The following RBMS3 variants were observed in gnomAD, a reference collection of about 807,000 sequenced individuals.
The protein encoded by RBMS3 is RNA binding motif single stranded interacting protein 3.
A neutral mutation model predicts 66.8 loss-of-function variants in RBMS3; 27 were observed. The observed-to-expected ratio is 0.40, with a 90% CI of 0.30 to 0.56. The LOEUF is 0.56. Among genes scored for constraint, RBMS3 ranks in the 20% least tolerant of loss-of-function variants. The pLI is 0.40. For missense variants in RBMS3, 513 were observed against 549.5 expected, an observed-to-expected ratio of 0.93 and a Z score of 0.66; for synonymous variants, 188 against 183.0, an observed-to-expected ratio of 1.03 and a Z score of -0.22.
intron 4 of RBMS3, among the ~76,000 whole-genome samples, chr3:29,629,044 A>G (rs1363833163): frequency 2.0e-5 from 3 of 152,094 alleles, no homozygotes; most frequent in Non-Finnish European, 4.4e-5. Flanking sequence ...TTTGAAGTGC[A>G]TATGCAGGCC....
In RBMS3 at chr3:29,970,712, T is replaced by C. The variant is rs76393387; in HGVS notation, c.1099-17431T>C. On this transcript the variant is annotated intron_variant, in intron 12 of 14. Coordinates refer to ENST00000383767, the MANE Select transcript of RBMS3 (RefSeq NM_001003793.3). ...GTATTTGAGTTTTCAAGGGCATTAA[T>C]AATCACTTTTATTTGCTCTCTTTAT... Among the ~76,000 whole-genome samples, 727 of 152,328 alleles carry C rather than the reference T, an allele frequency of 4.8e-3. 4 individuals carry two copies. The highest frequency in any genetic ancestry group is 0.017 in the African/African-American group (696 of 41,580).
chr3:29,854,203 A>G lies in RBMS3; in HGVS notation c.638-14655A>G, dbSNP rs552019662. ...AGGGCGTCCCTCCCCGCGTCCCTGC[A>G]GCAGCCAGCACTGAGGTCGGCCTCC... On this transcript the variant is annotated intron_variant, in intron 6 of 14. Coordinates refer to ENST00000383767, the MANE Select transcript of RBMS3 (RefSeq NM_001003793.3). Among the ~76,000 whole-genome samples, 21 of 152,304 alleles carry G rather than the reference A, an allele frequency of 1.4e-4. No individual in the cohort carries two copies. In the South Asian group the frequency reaches 4.3e-3, roughly 32 times the overall value.
At chr3:29,482,709 T>TTTC (rs2125821907) in intron 2 of RBMS3, among the ~76,000 whole-genome samples, 1 of 104,216 alleles carries the variant, frequency 9.6e-6, no homozygotes, top group African/African-American at 3.9e-5. Flanking sequence ...TTCTTTTTTT[T>TTTC]TTTTTTTTTT....
chr3:29,434,724 C>T lies in RBMS3; in HGVS notation c.76-19C>T. 1 of 1,600,890 alleles carries T rather than the reference C, an allele frequency of 6.2e-7. No individual in the cohort carries two copies. Among genetic ancestry groups the T allele is most frequent in the Non-Finnish European group, 8.5e-7 (1 of 1,173,272 alleles). On this transcript the variant is annotated intron_variant, in intron 1 of 14. Transcript: ENST00000383767. ...GTGCTGGCTTTTGTTTTTCCAGTAA[C>T]AGCTTTTTCTGTTTCCAGCAGTCCT...
intron 12 of RBMS3, among the ~76,000 whole-genome samples, chr3:29,944,485 A>G (rs1358330053): frequency 6.6e-6 from 1 of 151,776 alleles, no homozygotes; most frequent in African/African-American, 2.4e-5. Flanking sequence ...GTAAAAACTC[A>G]AAACCATTTT....
intron 3 of RBMS3, among the ~76,000 whole-genome samples, chr3:29,546,810 T>C (rs974278174): frequency 2.0e-5 from 3 of 152,182 alleles, no homozygotes; most frequent in African/African-American, 7.2e-5. Context: ...TAAGAGACTT[T>C]GGCACCTCTT....
chr3:29,820,369 T>C (rs1049993877), intron 6 of RBMS3, among the ~76,000 whole-genome samples: 1 of 151,988 alleles, frequency 6.6e-6, no homozygotes, highest in African/African-American at 2.4e-5. Flanking sequence ...ACAGGCTTTT[T>C]CTATTAGAGG....
At chr3:29,700,374 C>T (rs1247411717) in intron 4 of RBMS3, among the ~76,000 whole-genome samples, 3 of 152,174 alleles carry the variant, frequency 2.0e-5, no homozygotes, top group East Asian at 1.9e-4. Flanking sequence ...GGTCTGAATC[C>T]TTTCCATTGA....
At chr3:29,322,574 G>A (rs988025332) in intron 1 of RBMS3, among the ~76,000 whole-genome samples, 1 of 151,544 alleles carries the variant, frequency 6.6e-6, no homozygotes, top group East Asian at 1.9e-4. Flanking sequence ...TTCTTTTAAA[G>A]TACCTAGTCC....
chr3:29,737,667 T>A lies in RBMS3; in HGVS notation c.400-2053T>A, dbSNP rs541357842. Among the ~76,000 whole-genome samples the A allele has an allele frequency of 1.8e-4, 28 of 152,320 alleles. No homozygotes were observed. In the South Asian group the frequency reaches 5.6e-3, roughly 30 times the overall value. On this transcript the variant is annotated intron_variant, in intron 4 of 14. Coordinates refer to ENST00000383767, the MANE Select transcript of RBMS3 (RefSeq NM_001003793.3). ...GTTATACGTAGATAAGGTTCATTAT[T>A]ATGTAACTGAAATGTCCCCTTTTTT... is the stretch of plus-strand genomic sequence containing the variant.
At position 29,693,476 on chromosome 3, in the gene RBMS3, A is replaced by T. The variant is rs9867180; in HGVS notation, c.400-46244A>T. Among the ~76,000 whole-genome samples the T allele has an allele frequency of 1.4e-3, 211 of 152,278 alleles. 1 individual carries two copies. Among genetic ancestry groups the T allele is most frequent in the African/African-American group, 4.9e-3 (203 of 41,572 alleles). ...TTATAAACAGGGGGATGGGAAAAGC[A>T]TGCCAATTTATTTCTATTGAGCTAA... is the stretch of plus-strand genomic sequence containing the variant. On this transcript the variant is annotated intron_variant, in intron 4 of 14. Coordinates refer to ENST00000383767, the MANE Select transcript of RBMS3 (RefSeq NM_001003793.3).
chr3:29,698,285 C>G, intron 4 of RBMS3: 1 of 985,350 alleles, frequency 1.0e-6, no homozygotes, highest in Non-Finnish European at 1.2e-6. Context: ...AAAATGTAGT[C>G]CCTGGTGAGG....
chr3:29,623,018 G>C (rs2149159235), intron 4 of RBMS3, among the ~76,000 whole-genome samples: 1 of 151,470 alleles, frequency 6.6e-6, no homozygotes, highest in Middle Eastern at 3.4e-3. Flanking sequence ...TAGGGAGGCT[G>C]AGGAAGGAGA....
At chr3:29,532,311 T>C (rs1312440115) in intron 3 of RBMS3, among the ~76,000 whole-genome samples, 1 of 145,008 alleles carries the variant, frequency 6.9e-6, no homozygotes, top group African/African-American at 2.5e-5. Flanking sequence ...ATATTATTCA[T>C]GGTGCTTTTT....
At chr3:29,450,207 A>G (rs1382030335) in intron 2 of RBMS3, among the ~76,000 whole-genome samples, 1 of 152,154 alleles carries the variant, frequency 6.6e-6, no homozygotes, top group Non-Finnish European at 1.5e-5. Context: ...TGAATTTGAA[A>G]GACATCCATT....
At chr3:29,675,608 A>G (rs1309229273) in intron 4 of RBMS3, among the ~76,000 whole-genome samples, 2 of 152,138 alleles carry the variant, frequency 1.3e-5, no homozygotes, top group Non-Finnish European at 2.9e-5. Context: ...CCATCAAAAA[A>G]TGGGTGAAGG....
chr3:29,967,813 T>C (rs934863251), intron 12 of RBMS3, among the ~76,000 whole-genome samples: 1 of 152,214 alleles, frequency 6.6e-6, no homozygotes, highest in African/African-American at 2.4e-5. Flanking sequence ...TCAGTTGTAA[T>C]ACTGTTTCAT....
intron 12 of RBMS3, among the ~76,000 whole-genome samples, chr3:29,976,953 T>TTTCAA (rs1480697270): frequency 5.4e-4 from 82 of 152,174 alleles, no homozygotes; most frequent in African/African-American, 2.0e-3. Context: ...AAGCTTTCTT[T>TTTCAA]GTTAAAAGAA....
At chr3:29,594,591 T>C (rs1479262975) in intron 4 of RBMS3, among the ~76,000 whole-genome samples, 1 of 152,228 alleles carries the variant, frequency 6.6e-6, no homozygotes, top group African/African-American at 2.4e-5. Context: ...TCTAAAAATA[T>C]ATAAGTATTA....
Sources: gnomAD v4.1 joint callset for allele counts (sites outside exome capture counted in the v4.1 genomes callset) on GRCh38, gnomAD v4.1.1 for gene constraint, MANE v1.5 for transcripts, NCBI Gene and HGNC (gene_info 2026-07-23, HGNC 2026-07-21) for gene names.